The following TRPC6 variants were observed in gnomAD, a reference collection of about 807,000 sequenced individuals.
TRPC6 encodes the protein transient receptor potential cation channel subfamily C member 6, also known as short transient receptor potential channel 6.
TRPC6 carries 55 observed loss-of-function variants against 90.7 expected under a neutral mutation model. The observed-to-expected ratio is 0.61, with a 90% CI of 0.49 to 0.76. The LOEUF is 0.76. TRPC6 is among the 30% of genes least tolerant of loss of function. The probability of loss-of-function intolerance (pLI) is 0.00; values close to 1 mark genes in which losing one functional copy is unlikely to be tolerated. For missense variants in TRPC6, 989 were observed against 1,122.7 expected, an observed-to-expected ratio of 0.88 and a Z score of 1.70; for synonymous variants, 393 against 393.0, an observed-to-expected ratio of 1.00 and a Z score of 0.00.
intron 1 of TRPC6, among the ~76,000 whole-genome samples, chr11:101,535,836 T>A (rs922629946): frequency 1.3e-4 from 20 of 152,216 alleles, no homozygotes; most frequent in African/African-American, 2.4e-5. Flanking sequence ...GAGAATATCC[T>A]TTAAATAATA....
At chr11:101,573,183 T>C (rs1041799839) in intron 1 of TRPC6, among the ~76,000 whole-genome samples, 5 of 152,176 alleles carry the variant, frequency 3.3e-5, no homozygotes, top group African/African-American at 1.2e-4. Context: ...AATCATTTTG[T>C]ATAAGGCAGG....
intron 1 of TRPC6, among the ~76,000 whole-genome samples, chr11:101,539,009 C>A (rs995689181): frequency 2.0e-5 from 3 of 152,124 alleles, no homozygotes; most frequent in Non-Finnish European, 4.4e-5. Flanking sequence ...GAGAAATCAG[C>A]CAGGCCCACC....
At chr11:101,465,208 G>T (rs529004173) in intron 10 of TRPC6, among the ~76,000 whole-genome samples, 76 of 152,040 alleles carry the variant, frequency 5.0e-4, no homozygotes, top group Non-Finnish European at 8.4e-4. Flanking sequence ...TTTCTCTCTG[G>T]CTGCCCTTAA....
intron 7 of TRPC6, among the ~76,000 whole-genome samples, chr11:101,473,297 G>C (rs1859336293): frequency 1.3e-5 from 2 of 152,042 alleles, no homozygotes; most frequent in African/African-American, 2.4e-5. Context: ...TATTTACCTG[G>C]CTCTAAAAAT....
chr11:101,476,741 G>A (rs962477958), intron 5 of TRPC6, among the ~76,000 whole-genome samples: 2 of 152,072 alleles, frequency 1.3e-5, no homozygotes, highest in Admixed American at 6.6e-5. Context: ...ATTTGACAAA[G>A]TTCATTGAAC....
chr11:101,493,895 T>G (rs1397984773), intron 2 of TRPC6, among the ~76,000 whole-genome samples: 5 of 152,166 alleles, frequency 3.3e-5, no homozygotes, highest in Non-Finnish European at 7.3e-5. Flanking sequence ...CTCCTTTCTG[T>G]AAATTATGCC....
At chr11:101,512,981 G>A (rs1860431843) in intron 1 of TRPC6, among the ~76,000 whole-genome samples, 1 of 152,226 alleles carries the variant, frequency 6.6e-6, no homozygotes, top group South Asian at 2.1e-4. Context: ...AGGAGTATGT[G>A]TGCAGAAGTT....
intron 1 of TRPC6, among the ~76,000 whole-genome samples, chr11:101,529,808 C>T (rs1396108627): frequency 1.3e-5 from 2 of 152,244 alleles, no homozygotes; most frequent in East Asian, 3.9e-4. Flanking sequence ...GCTTTGGGAT[C>T]TAGGGAGCAG....
intron 5 of TRPC6, among the ~76,000 whole-genome samples, chr11:101,477,060 C>G (rs560756860): frequency 1.3e-5 from 2 of 152,110 alleles, no homozygotes; most frequent in East Asian, 3.9e-4. Context: ...CGTGTCTCCC[C>G]CCGGCTGCTC....
intron 10 of TRPC6, chr11:101,455,616 C>G (rs1433008709): frequency 6.5e-6 from 1 of 153,180 alleles, no homozygotes; most frequent in African/African-American, 2.4e-5. Flanking sequence ...TGTATACTAT[C>G]CCATTTGGGC....
chr11:101,559,838 A>T (rs1351500224), intron 1 of TRPC6, among the ~76,000 whole-genome samples: 2 of 134,084 alleles, frequency 1.5e-5, no homozygotes, highest in Non-Finnish European at 3.1e-5. Flanking sequence ...CCTGTGTCCA[A>T]GTGTTCTCAT....
At chr11:101,508,045 A>G (rs998820139) in intron 1 of TRPC6, among the ~76,000 whole-genome samples, 7 of 152,038 alleles carry the variant, frequency 4.6e-5, no homozygotes, top group Admixed American at 1.3e-4. Flanking sequence ...AATTGCTATT[A>G]TATTTTTAAT....
intron 5 of TRPC6, among the ~76,000 whole-genome samples, chr11:101,478,411 C>G (rs1859464119): frequency 6.6e-6 from 1 of 152,070 alleles, no homozygotes; most frequent in African/African-American, 2.4e-5. Context: ...GCGGATGGTT[C>G]AGAGTAACAA....
At chr11:101,577,080 A>G (rs1450383252) in intron 1 of TRPC6, among the ~76,000 whole-genome samples, 1 of 152,130 alleles carries the variant, frequency 6.6e-6, no homozygotes, top group Non-Finnish European at 1.5e-5. Flanking sequence ...TACTCCTAAT[A>G]GAAGGGGAGC....
At chr11:101,552,747 T>C (rs564808685) in intron 1 of TRPC6, among the ~76,000 whole-genome samples, 1 of 152,104 alleles carries the variant, frequency 6.6e-6, no homozygotes, top group Non-Finnish European at 1.5e-5. Context: ...TCCTACATTA[T>C]TATTTTTCAA....
In TRPC6 at chr11:101,583,385, T is replaced by A. The variant is rs1280589270; in HGVS notation, c.119A>T (p.Glu40Val). The A allele has an allele frequency of 6.3e-7, 1 of 1,592,728 alleles. No individual in the cohort carries two copies. ...CAGCGGGGCTTGCGGGCAGCCGTCT[T>A]CTCCCAGCTCCGAGTCCATGAGCAG... ...DYLLMDSELG[E>V]DGCPQAPLPC... Residue 40 changes from glutamate to valine, a missense_variant, in exon 1 of 13, where the codon GAA becomes GTA. Around this residue, in one of 4 missense-constraint regions of TRPC6, gnomAD observed 194 missense variants for 136.5 expected, o/e 1.42. Coordinates refer to ENST00000344327, the MANE Select transcript of TRPC6 (RefSeq NM_004621.6).
intron 1 of TRPC6, among the ~76,000 whole-genome samples, chr11:101,582,839 C>A (rs1862227874): frequency 6.6e-6 from 1 of 152,110 alleles, no homozygotes; most frequent in African/African-American, 2.4e-5. Context: ...CAGCCCGAAA[C>A]GCTAAGCCAA....
intron 1 of TRPC6, among the ~76,000 whole-genome samples, chr11:101,544,063 G>T (rs1861239050): frequency 2.0e-5 from 3 of 152,202 alleles, no homozygotes; most frequent in Admixed American, 6.5e-5. Context: ...TCAAAAAGTG[G>T]GCAGAGGATA....
intron 10 of TRPC6, among the ~76,000 whole-genome samples, chr11:101,467,238 T>C (rs1387924486): frequency 2.0e-5 from 3 of 152,222 alleles, no homozygotes; most frequent in Non-Finnish European, 4.4e-5. Context: ...TGCCCATTTA[T>C]GATTTTTAAC....
Sources: gnomAD v4.1 joint callset for allele counts (sites outside exome capture counted in the v4.1 genomes callset) on GRCh38, gnomAD v4.1.1 for gene constraint, gnomAD v4.1.1 regional missense constraint, MANE v1.5 for transcripts, NCBI Gene and HGNC (gene_info 2026-07-23, HGNC 2026-07-21) for gene names.